The following NAV2 variants were observed in gnomAD, a reference collection of about 807,000 sequenced individuals.
NAV2 encodes helicase, APC down-regulated 1.
Under a neutral mutation model 223.2 loss-of-function variants are expected in NAV2, and 54 were observed. The ratio of observed to expected loss-of-function variants is 0.24; its 90% confidence interval spans 0.19 to 0.30. The LOEUF (loss-of-function observed/expected upper bound fraction) is 0.30. Among genes scored for constraint, NAV2 ranks in the 10% least tolerant of loss-of-function variants. NAV2 has a pLI of 1.00. For synonymous variants in NAV2, 1,279 were observed against 1,239.3 expected (o/e 1.03, Z -0.67); for missense variants, 2,806 against 3,147.5 (o/e 0.89, Z 2.60).
intron 1 of NAV2, among the ~76,000 whole-genome samples, chr11:19,608,999 C>T (rs2046557252): frequency 6.6e-6 from 1 of 152,176 alleles, no homozygotes; most frequent in South Asian, 2.1e-4. Flanking sequence ...GCCTTCTTCT[C>T]CCATCTTTAA....
At chr11:19,642,361 C>A (rs1225909757) in intron 1 of NAV2, among the ~76,000 whole-genome samples, 2 of 152,166 alleles carry the variant, frequency 1.3e-5, no homozygotes, top group South Asian at 2.1e-4. Flanking sequence ...AATCTTCCTC[C>A]CTGGAGAGCT....
At chr11:19,882,023 C>T (rs140084699) in intron 5 of NAV2, among the ~76,000 whole-genome samples, 11 of 152,222 alleles carry the variant, frequency 7.2e-5, no homozygotes, top group African/African-American at 2.2e-4. Flanking sequence ...ACTCAGGCCC[C>T]GTCATAGAGT....
At chr11:19,679,093 A>G (rs1052207156) in intron 1 of NAV2, among the ~76,000 whole-genome samples, 1 of 152,250 alleles carries the variant, frequency 6.6e-6, no homozygotes, top group Admixed American at 6.5e-5. Flanking sequence ...ACATAGAGCT[A>G]TATGGAGAAA....
At chr11:19,902,085 G>A (rs1434966112) in intron 6 of NAV2, among the ~76,000 whole-genome samples, 1 of 152,150 alleles carries the variant, frequency 6.6e-6, no homozygotes, top group African/African-American at 2.4e-5. Flanking sequence ...GCACTGTCCT[G>A]TTCAGAGGAA....
intron 15 of NAV2, 54 bp downstream of exon 15, chr11:20,049,249 A>G (rs1050058679): frequency 7.6e-7 from 1 of 1,308,214 alleles, no homozygotes; most frequent in African/African-American, 1.5e-5. Flanking sequence ...TCCAAAAATA[A>G]AAAGATTAGC....
chr11:19,369,854 G>T (rs1848413579), intron 1 of NAV2, among the ~76,000 whole-genome samples: 1 of 152,156 alleles, frequency 6.6e-6, no homozygotes, highest in Admixed American at 6.5e-5. Flanking sequence ...CTCTTTTCTT[G>T]CTGGGGCTTT....
At chr11:19,559,607 G>T (rs959892224) in intron 1 of NAV2, among the ~76,000 whole-genome samples, 1 of 152,190 alleles carries the variant, frequency 6.6e-6, no homozygotes, top group Admixed American at 6.5e-5. Context: ...GCACTAGGGT[G>T]GCTGAGGGTG....
At chr11:19,403,869 A>G (rs3108804) in intron 1 of NAV2, among the ~76,000 whole-genome samples, 124,336 of 151,784 alleles carry the variant, frequency 0.82, 51,687 homozygotes, top group Non-Finnish European at 0.9. Context: ...ATCTAAAATC[A>G]GGACTCTCTG....
intron 1 of NAV2, among the ~76,000 whole-genome samples, chr11:19,628,583 T>G (rs1319719381): frequency 6.6e-6 from 1 of 152,188 alleles, no homozygotes; most frequent in African/African-American, 2.4e-5. Flanking sequence ...TACATTCAGG[T>G]GTACACATGT....
chr11:19,635,706 G>A (rs755406853), intron 1 of NAV2, among the ~76,000 whole-genome samples: 4 of 152,170 alleles, frequency 2.6e-5, no homozygotes, highest in African/African-American at 9.7e-5. Context: ...CCATGAGAGC[G>A]AGAACTCACC....
intron 1 of NAV2, among the ~76,000 whole-genome samples, chr11:19,480,582 G>C (rs1334817125): frequency 1.3e-5 from 2 of 152,174 alleles, no homozygotes; most frequent in Non-Finnish European, 2.9e-5. Flanking sequence ...TATGGGGCCT[G>C]TTTGTTCTTC....
intron 3 of NAV2, among the ~76,000 whole-genome samples, chr11:19,859,137 C>CTCTTTTTTTTTTTTTTTTT (rs1467179579): frequency 1.9e-5 from 2 of 107,108 alleles, no homozygotes; most frequent in African/African-American, 3.4e-5. Flanking sequence ...ATCATATTCT[C>CTCTTTTTTTTTTTTTTTTT]TTTTTTTTTT....
At chr11:19,744,497 T>C (rs974865290) in intron 1 of NAV2, among the ~76,000 whole-genome samples, 1 of 152,188 alleles carries the variant, frequency 6.6e-6, no homozygotes, top group Non-Finnish European at 1.5e-5. Context: ...CTAATTGTGG[T>C]AAACCCATAA....
chr11:19,969,364 C>G (rs565949241), intron 10 of NAV2, among the ~76,000 whole-genome samples: 2 of 152,246 alleles, frequency 1.3e-5, no homozygotes, highest in South Asian at 4.1e-4. Context: ...TCCTGGAAGT[C>G]CTTTTTGGAC....
At chr11:19,898,330 C>T (rs2042168099) in intron 6 of NAV2, among the ~76,000 whole-genome samples, 2 of 152,162 alleles carry the variant, frequency 1.3e-5, no homozygotes, top group African/African-American at 4.8e-5. Context: ...CACTGTTTAT[C>T]ACTTTGTTTA....
chr11:19,410,192 G>A (rs566565815), intron 1 of NAV2, among the ~76,000 whole-genome samples: 91 of 152,292 alleles, frequency 6.0e-4, no homozygotes, highest in African/African-American at 2.1e-3. Flanking sequence ...TGCAGAGGCA[G>A]CCTTAACTGC....
intron 10 of NAV2, among the ~76,000 whole-genome samples, chr11:19,955,371 C>G (rs1462702784): frequency 7.2e-6 from 1 of 138,270 alleles, no homozygotes; most frequent in African/African-American, 2.7e-5. Flanking sequence ...ACCTGGGTGA[C>G]AGAGCAAGAC....
chr11:19,759,273 C>T (rs1023504939), intron 1 of NAV2, among the ~76,000 whole-genome samples: 17 of 151,800 alleles, frequency 1.1e-4, no homozygotes, highest in East Asian at 7.8e-4. Flanking sequence ...TTAGTAGAGA[C>T]GGGGTTTCAC....
At chr11:19,606,165 G>T (rs565665647) in intron 1 of NAV2, among the ~76,000 whole-genome samples, 7 of 152,320 alleles carry the variant, frequency 4.6e-5, no homozygotes, top group South Asian at 2.1e-4. Context: ...CTGGCTTCTT[G>T]GCAGCAAAAG....
Sources: allele counts gnomAD v4.1 joint callset (sites outside exome capture counted in the v4.1 genomes callset), GRCh38; gene constraint gnomAD v4.1.1; transcripts MANE v1.5; gene names NCBI Gene and HGNC (gene_info 2026-07-23, HGNC 2026-07-21).